RFX3: variants seen among roughly 807,000 people sequenced by gnomAD.
The protein encoded by RFX3 is regulatory factor X3.
RFX3 carries 14 observed loss-of-function variants against 98.6 expected under a neutral mutation model. The observed-to-expected ratio is 0.14, with a 90% CI of 0.09 to 0.22. The LOEUF (loss-of-function observed/expected upper bound fraction) is 0.22, where lower values mean the gene tolerates loss of function less well. Ranked by LOEUF, RFX3 falls within the 10% of genes least tolerant of loss-of-function variation. The probability of loss-of-function intolerance (pLI) is 1.00; values close to 1 mark genes in which losing one functional copy is unlikely to be tolerated. For missense variants in RFX3, 639 were observed against 926.9 expected, an observed-to-expected ratio of 0.69 and a Z score of 4.03; for synonymous variants, 383 against 328.4, an observed-to-expected ratio of 1.17 and a Z score of -1.80.
chr9:3,404,283 T>TTATATG lies in RFX3; in HGVS notation c.-8-8693_-8-8688dup, dbSNP rs575089686. Among the ~76,000 whole-genome samples, 235 of 152,288 alleles carry TTATATG rather than the reference T, an allele frequency of 1.5e-3. 1 individual carries two copies. The highest frequency in any genetic ancestry group is 5.2e-3 in the African/African-American group (216 of 41,562). ...TATTAAATTTTTACATTGATTTTCA[T>TTATATG]TATATGTATATGTATATACACTTGG... is the stretch of plus-strand genomic sequence containing the variant. On this transcript the variant is annotated intron_variant, in intron 1 of 16. Coordinates refer to ENST00000617270, the MANE Select transcript of RFX3 (RefSeq NM_001282116.2).
chr9:3,396,243 A>G (rs1229446742), intron 1 of RFX3, among the ~76,000 whole-genome samples: 2 of 150,178 alleles, frequency 1.3e-5, no homozygotes, highest in African/African-American at 4.9e-5. Flanking sequence ...TCCTGTGTCC[A>G]TGTGTTCTCA....
At chr9:3,518,181 T>G (rs773680008) in intron 1 of RFX3, among the ~76,000 whole-genome samples, 14 of 152,210 alleles carry the variant, frequency 9.2e-5, no homozygotes, top group Non-Finnish European at 1.9e-4. Flanking sequence ...CTCTATGATG[T>G]TCACACAATG....
At chr9:3,499,598 A>T (rs1159189075) in intron 1 of RFX3, among the ~76,000 whole-genome samples, 3 of 152,124 alleles carry the variant, frequency 2.0e-5, no homozygotes, top group Non-Finnish European at 2.9e-5. Flanking sequence ...TGTTAAGTCA[A>T]ATTGTGGGAA....
chr9:3,445,706 G>A (rs71506643), intron 1 of RFX3, among the ~76,000 whole-genome samples: 1 of 152,072 alleles, frequency 6.6e-6, no homozygotes, highest in Non-Finnish European at 1.5e-5. Flanking sequence ...TAGAGGCAAA[G>A]TGTAAACTTG....
chr9:3,336,225 C>T (rs915886857), intron 3 of RFX3, among the ~76,000 whole-genome samples: 1 of 152,054 alleles, frequency 6.6e-6, no homozygotes, highest in Admixed American at 6.6e-5. Context: ...TGCTTTTAGG[C>T]TACTCTGCAT....
At chr9:3,393,611 T>C (rs1331551079) in intron 2 of RFX3, among the ~76,000 whole-genome samples, 2 of 147,398 alleles carry the variant, frequency 1.4e-5, no homozygotes, top group African/African-American at 5.2e-5. Flanking sequence ...TCAGATGACA[T>C]GACAAAAGCT....
chr9:3,313,500 C>T (rs537404249), intron 4 of RFX3, among the ~76,000 whole-genome samples: 34 of 152,292 alleles, frequency 2.2e-4, no homozygotes, highest in South Asian at 4.1e-4. Flanking sequence ...AGCAACGGAA[C>T]AAAGCTGGAT....
chr9:3,332,840 G>A (rs1204004912), intron 3 of RFX3, among the ~76,000 whole-genome samples: 1 of 152,116 alleles, frequency 6.6e-6, no homozygotes, highest in Non-Finnish European at 1.5e-5. Context: ...TCCTCTGCCT[G>A]AAAGGCCCTT....
intron 1 of RFX3, among the ~76,000 whole-genome samples, chr9:3,451,934 T>C (rs1846676139): frequency 6.6e-6 from 1 of 152,146 alleles, no homozygotes; most frequent in Admixed American, 6.5e-5. Context: ...ATTGTACAAT[T>C]TCAATTGTAC....
chr9:3,463,769 A>T (rs1847935628), intron 1 of RFX3, among the ~76,000 whole-genome samples: 1 of 152,066 alleles, frequency 6.6e-6, no homozygotes, highest in South Asian at 2.1e-4. Context: ...CTAGGAGTTC[A>T]AGACCAGCCT....
At chr9:3,233,666 A>G (rs914066409) in intron 15 of RFX3, among the ~76,000 whole-genome samples, 1 of 152,198 alleles carries the variant, frequency 6.6e-6, no homozygotes, top group Non-Finnish European at 1.5e-5. Context: ...AGGAGAAAGA[A>G]TTAGTGAGTA....
Position 3,524,713 on chromosome 9 carries a change from A to AAT in RFX3, c.-9+1033_-9+1034insAT, listed in dbSNP as rs533025986. ...TCTACTGCGGGGAAGGAGGATCATCAAAGTGAAACGGAACCTCACTACTCC... is the reference window on the plus strand; with the variant it reads ...TCTACTGCGGGGAAGGAGGATCATCAATAAGTGAAACGGAACCTCACTACTCC... On this transcript the variant is annotated intron_variant, in intron 1 of 16. Transcript: ENST00000617270. The AAT allele has an allele frequency of 8.3e-5, 59 of 714,076 alleles. 2 individuals carry two copies. The South Asian group carries it at 3.3e-3, about 40-fold the overall frequency. 44.2% of individuals were successfully genotyped at this position (714,076 alleles called of 1,614,324 possible).
chr9:3,376,379 G>A (rs66463406), intron 2 of RFX3, among the ~76,000 whole-genome samples: 28,096 of 151,886 alleles, frequency 0.18, 4,598 homozygotes, highest in African/African-American at 0.44. Context: ...GAGAATATAC[G>A]AATGTTTGAG....
At chr9:3,317,855 TAA>T (rs891888443) in intron 4 of RFX3, among the ~76,000 whole-genome samples, 148 of 152,268 alleles carry the variant, frequency 9.7e-4, no homozygotes, top group African/African-American at 3.4e-3. Context: ...TGGCGATCAT[TAA>T]AAAGTCAGGA....
chr9:3,312,823 G>A (rs914170664), intron 4 of RFX3, among the ~76,000 whole-genome samples: 3 of 152,200 alleles, frequency 2.0e-5, no homozygotes, highest in African/African-American at 4.8e-5. Flanking sequence ...GGAGAGGGGC[G>A]TCCGCCATTG....
chr9:3,459,647 G>C (rs530707893), intron 1 of RFX3, among the ~76,000 whole-genome samples: 2 of 152,148 alleles, frequency 1.3e-5, no homozygotes, highest in South Asian at 2.1e-4. Flanking sequence ...ACATACTCAT[G>C]AGAGTCAGAA....
chr9:3,268,458 A>G (rs1586812370), intron 11 of RFX3, among the ~76,000 whole-genome samples: 1 of 151,764 alleles, frequency 6.6e-6, no homozygotes, highest in Non-Finnish European at 1.5e-5. Context: ...CTCAAGATTA[A>G]TACTAAAATG....
At chr9:3,259,969 C>T (rs186928360) in intron 13 of RFX3, among the ~76,000 whole-genome samples, 2 of 151,864 alleles carry the variant, frequency 1.3e-5, no homozygotes, top group East Asian at 1.9e-4. Context: ...GAAGCTGGGA[C>T]GACTTCCAAA....
chr9:3,510,979 G>T (rs1564192886), intron 1 of RFX3, among the ~76,000 whole-genome samples: 2 of 151,902 alleles, frequency 1.3e-5, no homozygotes, highest in Non-Finnish European at 1.5e-5. Context: ...TTTAATTAGT[G>T]TATCACTTTG....
Sources: gnomAD v4.1 joint callset for allele counts (sites outside exome capture counted in the v4.1 genomes callset) on GRCh38, gnomAD v4.1.1 for gene constraint, MANE v1.5 for transcripts, NCBI Gene and HGNC (gene_info 2026-07-23, HGNC 2026-07-21) for gene names.